The following DLG2 variants were observed in gnomAD, a reference collection of about 807,000 sequenced individuals.
The protein encoded by DLG2 is discs large MAGUK scaffold protein 2.
A neutral mutation model predicts 132.5 loss-of-function variants in DLG2; 45 were observed. The observed-to-expected ratio is 0.34, with a 90% CI of 0.27 to 0.44. The LOEUF (loss-of-function observed/expected upper bound fraction) is 0.44. DLG2 is among the 20% of genes least tolerant of loss of function. The pLI is 1.00. For synonymous variants in DLG2, 424 were observed against 419.6 expected (o/e 1.01, Z -0.13); for missense variants, 1,045 against 1,196.9 (o/e 0.87, Z 1.87).
chr11:84,167,745 C>T (rs1013394643), intron 8 of DLG2, among the ~76,000 whole-genome samples: 2 of 152,082 alleles, frequency 1.3e-5, no homozygotes. Flanking sequence ...TGGCTCACTG[C>T]AACCTCTGCA....
chr11:84,685,345 TGGAAG>T (rs2099737184), intron 6 of DLG2, among the ~76,000 whole-genome samples: 1 of 152,220 alleles, frequency 6.6e-6, no homozygotes, highest in Non-Finnish European at 1.5e-5. Context: ...GTGTTCTGCC[TGGAAG>T]CATTAATAAG....
rs560712092 is a variant in DLG2, at chr11:83,456,979, C to T, written c.*2839G>A. The stretch of plus-strand genomic sequence containing the variant: ...TGGGAGGAGAGCAAAAAACAAATGC[C>T]TCTGCACTTAGCTGACAAATGGAAT... On this transcript the variant is annotated 3_prime_UTR_variant, in exon 28 of 28. Coordinates refer to ENST00000376104, the MANE Select transcript of DLG2 (RefSeq NM_001142699.3). The T allele has an allele frequency of 1.3e-5, 2 of 152,752 alleles. No homozygotes were observed. Among genetic ancestry groups the T allele is most frequent in the East Asian group, 1.9e-4 (1 of 5,192 alleles). The allele number at this position is 152,752 out of a possible 1,614,324, so 9.5% of individuals were successfully genotyped here. A position where few individuals can be genotyped will look rare whatever the true frequency, so the allele number is the denominator to read the frequency against.
intron 6 of DLG2, among the ~76,000 whole-genome samples, chr11:84,900,796 CTATT>C (rs1252249529): frequency 2.0e-5 from 3 of 151,894 alleles, no homozygotes; most frequent in Non-Finnish European, 4.4e-5. Context: ...ATTCCTTTTT[CTATT>C]TACCAAGCTT....
intron 18 of DLG2, among the ~76,000 whole-genome samples, chr11:83,652,856 T>C (rs2153522437): frequency 6.6e-6 from 1 of 152,360 alleles, no homozygotes; most frequent in Non-Finnish European, 1.5e-5. Context: ...TCGACCCTTT[T>C]TGTTGAGTTT....
At chr11:85,194,394 T>C (rs1221611983) in intron 4 of DLG2, among the ~76,000 whole-genome samples, 4 of 152,088 alleles carry the variant, frequency 2.6e-5, no homozygotes, top group African/African-American at 4.8e-5. Context: ...AGTCAAAATA[T>C]AGTTATATAT....
chr11:85,514,277 A>T (rs1471091611), intron 3 of DLG2, among the ~76,000 whole-genome samples: 1 of 152,042 alleles, frequency 6.6e-6, no homozygotes, highest in Non-Finnish European at 1.5e-5. Context: ...CTGGTAGTTA[A>T]ATAATCTTCC....
At chr11:83,617,377 A>G (rs1164726700) in intron 19 of DLG2, among the ~76,000 whole-genome samples, 3 of 152,020 alleles carry the variant, frequency 2.0e-5, no homozygotes, top group African/African-American at 7.2e-5. Context: ...TATTCCTATG[A>G]CTTTAATGTT....
chr11:85,412,742 C>CAA (rs2089434867), intron 3 of DLG2, among the ~76,000 whole-genome samples: 1 of 130,632 alleles, frequency 7.7e-6, no homozygotes, highest in Non-Finnish European at 1.6e-5. Flanking sequence ...CACACACACA[C>CAA]ACACACACAC....
At chr11:83,952,122 G>C (rs1001104878) in intron 14 of DLG2, among the ~76,000 whole-genome samples, 2 of 152,100 alleles carry the variant, frequency 1.3e-5, no homozygotes, top group African/African-American at 2.4e-5. Flanking sequence ...AGGGCAGGGG[G>C]ATCACTTGAG....
intron 7 of DLG2, among the ~76,000 whole-genome samples, chr11:84,373,269 A>AAAAAAAAAAAC (rs1555532736): frequency 7.8e-5 from 10 of 128,460 alleles, no homozygotes; most frequent in Non-Finnish European, 1.6e-4. Context: ...AAAAAACAAA[A>AAAAAAAAAAAC]CAAAAAAAAA....
intron 4 of DLG2, among the ~76,000 whole-genome samples, chr11:85,237,658 C>A (rs1760418769): frequency 6.6e-6 from 1 of 152,002 alleles, no homozygotes; most frequent in Admixed American, 6.6e-5. Flanking sequence ...AGGTCAGACA[C>A]ACCTCATTAT....
intron 18 of DLG2, among the ~76,000 whole-genome samples, chr11:83,724,089 C>A (rs926294186): frequency 6.6e-6 from 1 of 152,104 alleles, no homozygotes; most frequent in Non-Finnish European, 1.5e-5. Context: ...GGTAACCGTG[C>A]CCCCTGGAGG....
At chr11:84,993,545 T>A (rs2057342894) in intron 6 of DLG2, among the ~76,000 whole-genome samples, 1 of 152,198 alleles carries the variant, frequency 6.6e-6, no homozygotes. Context: ...ACCTGTTTAC[T>A]TATATGGGCT....
intron 3 of DLG2, among the ~76,000 whole-genome samples, chr11:85,499,636 C>G (rs749076394): frequency 5.9e-5 from 9 of 151,898 alleles, no homozygotes; most frequent in Non-Finnish European, 1.3e-4. Flanking sequence ...GGCAGAGACA[C>G]AACAAAAAAA....
intron 18 of DLG2, among the ~76,000 whole-genome samples, chr11:83,641,867 GTGTGTGTGTGTGTGTGTGTGTGTGTA>G (rs1341100174): frequency 1.2e-5 from 1 of 83,000 alleles, no homozygotes; most frequent in African/African-American, 6.1e-5. Flanking sequence ...GAGGGAGTGT[GTGTGTGTGTGTGTGTGTGTGTGTGTA>G]TGTGTGTTTG....
At chr11:85,476,339 A>G (rs558434490) in intron 3 of DLG2, among the ~76,000 whole-genome samples, 1 of 106,422 alleles carries the variant, frequency 9.4e-6, no homozygotes, top group Non-Finnish European at 2.2e-5. Context: ...TCAGTAAAGG[A>G]GTGGTGAGTA....
At position 84,257,738 on chromosome 11, in the gene DLG2, G is replaced by A. The variant is rs186113930; in HGVS notation, c.520-6447C>T. ...ATCTTACCTTGTCATGCAGGCTGGA[G>A]TGCAGTAGTCCCATCTTGGCTTACC... On this transcript the variant is annotated intron_variant, in intron 7 of 27. Transcript: ENST00000376104. Among the ~76,000 whole-genome samples, 318 of 145,368 alleles carry A rather than the reference G, an allele frequency of 2.2e-3. 1 individual carries two copies. Among genetic ancestry groups the A allele is most frequent in the Non-Finnish European group, 3.6e-3 (242 of 67,102 alleles).
chr11:84,841,528 T>A (rs2080689214), intron 6 of DLG2, among the ~76,000 whole-genome samples: 1 of 152,020 alleles, frequency 6.6e-6, no homozygotes, highest in Admixed American at 6.6e-5. Flanking sequence ...AAGTTTTTCA[T>A]CTGTTTTGTT....
chr11:84,453,186 T>G (rs2099056415), intron 7 of DLG2, among the ~76,000 whole-genome samples: 1 of 151,376 alleles, frequency 6.6e-6, no homozygotes, highest in African/African-American at 2.4e-5. Context: ...AAGTCCAGAG[T>G]TTGAGGAAGA....
Sources: allele counts gnomAD v4.1 joint callset (sites outside exome capture counted in the v4.1 genomes callset), GRCh38; gene constraint gnomAD v4.1.1; transcripts MANE v1.5; gene names NCBI Gene and HGNC (gene_info 2026-07-23, HGNC 2026-07-21).